ZFAND6: variants seen among roughly 807,000 people sequenced by gnomAD.
ZFAND6 encodes the protein AN1-type zinc finger protein 6.
A neutral mutation model predicts 24.5 loss-of-function variants in ZFAND6; 12 were observed. That is an observed-to-expected ratio of 0.49 (90% confidence interval 0.31 to 0.79). The LOEUF (loss-of-function observed/expected upper bound fraction) is 0.79, where lower values mean the gene tolerates loss of function less well. Among genes scored for constraint, ZFAND6 ranks in the 30% least tolerant of loss-of-function variants. The pLI, the probability that ZFAND6 is intolerant of heterozygous loss-of-function variation, is 0.04. For synonymous variants in ZFAND6, 92 were observed against 81.5 expected (o/e 1.13, Z -0.69); for missense variants, 207 against 245.9 (o/e 0.84, Z 1.06).
chr15:80,070,599 A>G (rs1183078887), intron 1 of ZFAND6, among the ~76,000 whole-genome samples: 3 of 152,218 alleles, frequency 2.0e-5, no homozygotes, highest in Admixed American at 1.3e-4. Flanking sequence ...ATGATCCGGA[A>G]TCACTGAGTC....
At chr15:80,134,148 C>A (rs1484169493) in intron 6 of ZFAND6, among the ~76,000 whole-genome samples, 1 of 152,126 alleles carries the variant, frequency 6.6e-6, no homozygotes, top group Non-Finnish European at 1.5e-5. Context: ...CCACCATGCC[C>A]AACTAATTTC....
intron 1 of ZFAND6, among the ~76,000 whole-genome samples, chr15:80,093,173 A>C: frequency 6.6e-6 from 1 of 151,360 alleles, no homozygotes; most frequent in African/African-American, 2.4e-5. Flanking sequence ...CACCATGCTG[A>C]CCAGGCTGGT....
At chr15:80,131,141 C>G (rs1273822967) in intron 5 of ZFAND6, 39 bp from the exon 6 acceptor site, 2 of 1,476,382 alleles carry the variant, frequency 1.4e-6, no homozygotes, top group African/African-American at 1.4e-5. Flanking sequence ...CAAAATCTTA[C>G]AGAATAATTA....
At chr15:80,065,625 A>G (rs1277916938) in intron 1 of ZFAND6, among the ~76,000 whole-genome samples, 2 of 136,702 alleles carry the variant, frequency 1.5e-5, no homozygotes, top group African/African-American at 5.6e-5. Flanking sequence ...GGCTCACTGC[A>G]GCCTTTGTCT....
At chr15:80,095,525 T>G (rs972277640) in intron 1 of ZFAND6, among the ~76,000 whole-genome samples, 3 of 152,236 alleles carry the variant, frequency 2.0e-5, no homozygotes, top group Non-Finnish European at 4.4e-5. Context: ...ACAAAGAGTT[T>G]TAACATTCTT....
intron 1 of ZFAND6, among the ~76,000 whole-genome samples, chr15:80,078,539 T>A (rs2037430050): frequency 6.6e-6 from 1 of 152,236 alleles, no homozygotes; most frequent in Non-Finnish European, 1.5e-5. Context: ...ATGTGTCTTT[T>A]TGGTAAAATG....
Position 80,065,163 on chromosome 15 carries a change from A to C in ZFAND6, c.-181+5354A>C, listed in dbSNP as rs145163944. The stretch of plus-strand genomic sequence containing the variant: ...TTTCTTCTAGTTCTTTTACGGTTTC[A>C]TATTTCACATCTGTCTTTTTCTGTT... On this transcript the variant is annotated intron_variant, in intron 1 of 6. Coordinates refer to ENST00000261749, the MANE Select transcript of ZFAND6 (RefSeq NM_019006.4). 7.5e-3 allele frequency among the ~76,000 whole-genome samples: 1,133 copies of C among 151,724 alleles called. 10 individuals carry two copies. The highest frequency in any genetic ancestry group is 0.022 in the African/African-American group (903 of 41,382).
At chr15:80,072,443 A>G (rs939672245) in intron 1 of ZFAND6, 13 of 152,118 alleles carry the variant, frequency 8.5e-5, no homozygotes, top group African/African-American at 2.7e-4. Flanking sequence ...CTAACCTGCT[A>G]GCAAGGAAAA....
In ZFAND6 at chr15:80,137,589, A is replaced by C; in HGVS notation, c.588A>C (p.Glu196Asp). The change falls in exon 7 of 7, where the codon GAA becomes GAC. Residue 196 changes from glutamate to aspartate, a missense_variant. This residue lies in a region of ZFAND6 where 45 missense variants were observed against 67.7 expected (regional missense o/e 0.66). Coordinates refer to ENST00000261749, the MANE Select transcript of ZFAND6 (RefSeq NM_019006.4). ...KADAAEKIRK[E>D]NPVVVGEKIQ... The stretch of plus-strand genomic sequence containing the variant: ...ATGCTGCTGAGAAAATCAGAAAAGA[A>C]AATCCAGTAGTTGTTGGTGAAAAGA... 6.2e-7 allele frequency: 1 copy of C among 1,606,532 alleles called. No individual in the cohort carries two copies. Among genetic ancestry groups the C allele is most frequent in the Non-Finnish European group, 8.5e-7 (1 of 1,177,662 alleles).
chr15:80,101,126 A>G lies in ZFAND6; in HGVS notation c.-18+2548A>G, dbSNP rs144179087. The stretch of plus-strand genomic sequence containing the variant: ...AACATTACAAAGTAGGATATTTTCA[A>G]TTAAGGTATCATAAGAAACATCTCA... On this transcript the variant is annotated intron_variant, in intron 2 of 6. Transcript: ENST00000261749. Among the ~76,000 whole-genome samples, 216 of 152,332 alleles carry G rather than the reference A, an allele frequency of 1.4e-3. 1 individual carries two copies. The highest frequency in any genetic ancestry group is 0.011 in the Admixed American group (175 of 15,302).
At chr15:80,067,827 T>G (rs778124381) in intron 1 of ZFAND6, among the ~76,000 whole-genome samples, 2 of 152,232 alleles carry the variant, frequency 1.3e-5, no homozygotes, top group African/African-American at 2.4e-5. Flanking sequence ...TGTATTAAGT[T>G]TGAAATAGGA....
In ZFAND6 at chr15:80,082,008, G is replaced by A. The variant is rs75023800; in HGVS notation, c.-180-16408G>A. Among the ~76,000 whole-genome samples, 657 of 152,266 alleles carry A rather than the reference G, an allele frequency of 4.3e-3. 5 individuals are homozygous for A. The highest frequency in any genetic ancestry group is 0.014 in the African/African-American group (600 of 41,544). Reference sequence around the variant, plus strand: ...TGTACACTAAAAGCTTTATTTACCCGGAAAGAGGCAATCCTGGAATGGCAA... The same window carrying A: ...TGTACACTAAAAGCTTTATTTACCCAGAAAGAGGCAATCCTGGAATGGCAA... On this transcript the variant is annotated intron_variant, in intron 1 of 6. Coordinates refer to ENST00000261749, the MANE Select transcript of ZFAND6 (RefSeq NM_019006.4).
intron 1 of ZFAND6, among the ~76,000 whole-genome samples, chr15:80,077,945 C>G (rs951795631): frequency 2.6e-5 from 4 of 151,848 alleles, no homozygotes; most frequent in African/African-American, 9.7e-5. Context: ...GTGATCCACC[C>G]GCCTCGGCCT....
chr15:80,065,027 A>G (rs1281578684), intron 1 of ZFAND6, among the ~76,000 whole-genome samples: 1 of 148,902 alleles, frequency 6.7e-6, no homozygotes, highest in Non-Finnish European at 1.5e-5. Flanking sequence ...TTTTTTAACA[A>G]AACAAAAAAA....
At chr15:80,096,676 A>T (rs1401083625) in intron 1 of ZFAND6, among the ~76,000 whole-genome samples, 1 of 152,224 alleles carries the variant, frequency 6.6e-6, no homozygotes, top group African/African-American at 2.4e-5. Flanking sequence ...TGTTGCTAAT[A>T]TAAACAGTAC....
At position 80,095,684 on chromosome 15, in the gene ZFAND6, A is replaced by G. The variant is rs182480327; in HGVS notation, c.-180-2732A>G. ...TTGAGCTGTTGGATTCTTTAGCATTATAAAGTGCTTTGTGTTGAACAAGAA... is the reference window on the plus strand; with the variant it reads ...TTGAGCTGTTGGATTCTTTAGCATTGTAAAGTGCTTTGTGTTGAACAAGAA... On this transcript the variant is annotated intron_variant, in intron 1 of 6. Coordinates refer to ENST00000261749, the MANE Select transcript of ZFAND6 (RefSeq NM_019006.4). Among the ~76,000 whole-genome samples, 6 of 152,334 alleles carry G rather than the reference A, an allele frequency of 3.9e-5. No individual in the cohort carries two copies. The East Asian group carries it at 1.2e-3, about 29-fold the overall frequency.
At chr15:80,083,837 G>A (rs748201449) in intron 1 of ZFAND6, among the ~76,000 whole-genome samples, 1 of 152,164 alleles carries the variant, frequency 6.6e-6, no homozygotes, top group Non-Finnish European at 1.5e-5. Flanking sequence ...ACTCCAGCCT[G>A]GGCAACAGAG....
chr15:80,063,081 T>C (rs2141772417), intron 1 of ZFAND6, among the ~76,000 whole-genome samples: 1 of 152,322 alleles, frequency 6.6e-6, no homozygotes. Flanking sequence ...CCAGTAGCTT[T>C]TCAATATACC....
intron 1 of ZFAND6, among the ~76,000 whole-genome samples, chr15:80,095,293 G>A (rs993346888): frequency 6.6e-6 from 1 of 152,136 alleles, no homozygotes; most frequent in African/African-American, 2.4e-5. Context: ...TTAGGAATGT[G>A]GTTTTGGCAG....
Sources: allele counts gnomAD v4.1 joint callset (sites outside exome capture counted in the v4.1 genomes callset), GRCh38; gene constraint gnomAD v4.1.1; regional missense constraint gnomAD v4.1.1; transcripts MANE v1.5; gene names NCBI Gene and HGNC (gene_info 2026-07-23, HGNC 2026-07-21).